Variants in ANK3 observed in about 807,000 individuals in gnomAD.
ANK3 encodes the protein ankyrin-3.
Under a neutral mutation model 370.9 loss-of-function variants are expected in ANK3, and 57 were observed. The ratio of observed to expected loss-of-function variants is 0.15; its 90% CI spans 0.12 to 0.19. The LOEUF is 0.19. ANK3 is among the 10% of genes least tolerant of loss of function. The pLI, the probability that ANK3 is intolerant of heterozygous loss-of-function variation, is 1.00. For missense variants in ANK3, 4,439 were observed against 5,302.1 expected, an observed-to-expected ratio of 0.84 and a Z score of 5.06; for synonymous variants, 1,929 against 1,946.3, an observed-to-expected ratio of 0.99 and a Z score of 0.23.
At chr10:60,579,882 C>A (rs919873881) in intron 2 of ANK3, among the ~76,000 whole-genome samples, 3 of 152,106 alleles carry the variant, frequency 2.0e-5, no homozygotes, top group Non-Finnish European at 4.4e-5. Context: ...ACATTTAAGA[C>A]ATGGTAAAAT....
At chr10:60,543,638 G>C (rs2076899296) in intron 2 of ANK3, among the ~76,000 whole-genome samples, 1 of 151,868 alleles carries the variant, frequency 6.6e-6, no homozygotes, top group Non-Finnish European at 1.5e-5. Context: ...TTACTGGATA[G>C]GTACCCACTA....
At chr10:60,691,109 A>C (rs1225976906) in intron 1 of ANK3, among the ~76,000 whole-genome samples, 1 of 152,160 alleles carries the variant, frequency 6.6e-6, no homozygotes, top group Non-Finnish European at 1.5e-5. Flanking sequence ...ATCTACCCAC[A>C]GATCTGTTAG....
intron 2 of ANK3, among the ~76,000 whole-genome samples, chr10:60,418,991 TCTCTC>T (rs758799277): frequency 3.9e-5 from 6 of 152,184 alleles, no homozygotes; most frequent in Non-Finnish European, 5.9e-5. Context: ...AAAAAACAAT[TCTCTC>T]CTAAGTGTTT....
chr10:60,305,258 G>A (rs2044755870), intron 1 of ANK3, among the ~76,000 whole-genome samples: 1 of 152,030 alleles, frequency 6.6e-6, no homozygotes, highest in Non-Finnish European at 1.5e-5. Flanking sequence ...TTATGTCTGT[G>A]TGGAGCACCT....
intron 1 of ANK3, among the ~76,000 whole-genome samples, chr10:60,346,885 A>G (rs944148737): frequency 2.0e-5 from 3 of 151,942 alleles, no homozygotes; most frequent in Non-Finnish European, 4.4e-5. Flanking sequence ...CTCACCCTTT[A>G]CTCAACCACT....
chr10:60,082,407 C>T, intron 34 of ANK3: 1 of 737,178 alleles, frequency 1.4e-6, no homozygotes, highest in Non-Finnish European at 2.1e-6. Flanking sequence ...CCAGCAGAAG[C>T]AAAAGCGATA....
chr10:60,256,720 G>A (rs902057280), intron 7 of ANK3, among the ~76,000 whole-genome samples: 3 of 152,148 alleles, frequency 2.0e-5, no homozygotes, highest in African/African-American at 7.2e-5. Flanking sequence ...AGAATACGTA[G>A]TACTTGGTTT....
At chr10:60,294,089 G>C (rs1478503870) in intron 1 of ANK3, among the ~76,000 whole-genome samples, 2 of 151,972 alleles carry the variant, frequency 1.3e-5, no homozygotes, top group Non-Finnish European at 2.9e-5. Context: ...TGAAAACAGT[G>C]ATAAGCTAAA....
rs541827985 is a variant in ANK3, at chr10:60,127,935, G to T, written c.2841+6336C>A. On this transcript the variant is annotated intron_variant, in intron 25 of 43. Coordinates refer to ENST00000280772, the MANE Select transcript of ANK3 (RefSeq NM_020987.5). ...GATGGTCTCGATCTCCTTACCTCGT[G>T]ATCTGCCCACCTTGGCCTCCCAAAG... Among the ~76,000 whole-genome samples, 84 of 152,170 alleles carry T rather than the reference G, an allele frequency of 5.5e-4. 1 individual carries two copies. The highest frequency in any genetic ancestry group is 2.0e-3 in the African/African-American group (81 of 41,504).
intron 1 of ANK3, among the ~76,000 whole-genome samples, chr10:60,689,232 T>G (rs1057213606): frequency 1.3e-5 from 2 of 152,028 alleles, no homozygotes; most frequent in African/African-American, 2.4e-5. Flanking sequence ...AGACTGTAAC[T>G]CTACAAACAA....
intron 2 of ANK3, among the ~76,000 whole-genome samples, chr10:60,536,487 C>T (rs1052572136): frequency 5.3e-5 from 8 of 152,010 alleles, no homozygotes; most frequent in Non-Finnish European, 1.0e-4. Context: ...AACATGGAAA[C>T]ATTGCCTTCA....
intron 2 of ANK3, among the ~76,000 whole-genome samples, chr10:60,584,785 A>G (rs1488620022): frequency 6.6e-6 from 1 of 152,146 alleles, no homozygotes; most frequent in Non-Finnish European, 1.5e-5. Context: ...CTGAAACTCA[A>G]TGACATCTTC....
At chr10:60,646,890 C>A (rs1215923557) in intron 1 of ANK3, among the ~76,000 whole-genome samples, 2 of 152,112 alleles carry the variant, frequency 1.3e-5, no homozygotes, top group Non-Finnish European at 2.9e-5. Context: ...CCCTGATAAC[C>A]TTCACAGAAG....
At chr10:60,394,937 C>T (rs1456357203) in intron 2 of ANK3, among the ~76,000 whole-genome samples, 1 of 152,102 alleles carries the variant, frequency 6.6e-6, no homozygotes, top group Non-Finnish European at 1.5e-5. Flanking sequence ...TTTATTCAAG[C>T]AGAGTTTATA....
chr10:60,102,599 G>A (rs1413439798), intron 28 of ANK3, among the ~76,000 whole-genome samples: 2 of 152,158 alleles, frequency 1.3e-5, no homozygotes, highest in Admixed American at 6.5e-5. Context: ...TTTCCCAGGA[G>A]TTATTCTACT....
chr10:60,413,473 C>T (rs1239480364), intron 2 of ANK3, among the ~76,000 whole-genome samples: 1 of 152,184 alleles, frequency 6.6e-6, no homozygotes, highest in Non-Finnish European at 1.5e-5. Context: ...TGAGTAACTT[C>T]TCTTCTCTAT....
intron 1 of ANK3, among the ~76,000 whole-genome samples, chr10:60,285,415 C>T (rs981213510): frequency 4.6e-5 from 7 of 152,190 alleles, no homozygotes; most frequent in African/African-American, 1.7e-4. Context: ...AATACTGTCT[C>T]TCTGTATAAA....
intron 2 of ANK3, among the ~76,000 whole-genome samples, chr10:60,522,941 GGGT>G (rs2076382237): frequency 6.6e-6 from 1 of 152,114 alleles, no homozygotes; most frequent in Admixed American, 6.6e-5. Flanking sequence ...CAAGAAAGAT[GGGT>G]GGTGTCAATT....
intron 2 of ANK3, among the ~76,000 whole-genome samples, chr10:60,440,165 A>G (rs2064263907): frequency 6.6e-6 from 1 of 152,224 alleles, no homozygotes; most frequent in South Asian, 2.1e-4. Flanking sequence ...AGCTTAAATA[A>G]TGTTCACCTC....
Sources: allele counts gnomAD v4.1 joint callset (sites outside exome capture counted in the v4.1 genomes callset), GRCh38; gene constraint gnomAD v4.1.1; transcripts MANE v1.5; gene names NCBI Gene and HGNC (gene_info 2026-07-23, HGNC 2026-07-21).